The following PDSS2 variants were observed in gnomAD, a reference collection of about 807,000 sequenced individuals.
PDSS2 encodes decaprenyl diphosphate synthase subunit 2, also known as all trans-polyprenyl-diphosphate synthase PDSS2.
Under a neutral mutation model 44.5 loss-of-function variants are expected in PDSS2, and 31 were observed. The ratio of observed to expected loss-of-function variants is 0.70; its 90% CI spans 0.52 to 0.94. The LOEUF is 0.94. Ranked by LOEUF, PDSS2 falls within the 40% of genes least tolerant of loss-of-function variation. The probability of loss-of-function intolerance (pLI) is 0.00; values close to 1 mark genes in which losing one functional copy is unlikely to be tolerated. For synonymous variants in PDSS2, 157 were observed against 180.3 expected, an observed-to-expected ratio of 0.87 and a Z score of 1.03; for missense variants, 452 against 482.2, an observed-to-expected ratio of 0.94 and a Z score of 0.59.
At chr6:107,180,612 T>C (rs950687880) in intron 7 of PDSS2, among the ~76,000 whole-genome samples, 1 of 152,124 alleles carries the variant, frequency 6.6e-6, no homozygotes, top group Non-Finnish European at 1.5e-5. Flanking sequence ...CACGGTGCAA[T>C]GGTGAGCAAA....
chr6:107,194,103 T>C (rs1290477704), intron 6 of PDSS2, among the ~76,000 whole-genome samples: 1 of 152,234 alleles, frequency 6.6e-6, no homozygotes, highest in African/African-American at 2.4e-5. Context: ...CGACTCTTAA[T>C]GTCACATGCT....
Position 107,245,796 on chromosome 6 carries a change from G to A in PDSS2, c.631-177C>T, listed in dbSNP as rs1182819881. ...TTGCCCACCTGGATATTAAAGCTGT[G>A]ATCCAAATTTTTTCAGTCATAATTC... On this transcript the variant is annotated intron_variant, in intron 3 of 7. Transcript: ENST00000369037. Among the ~76,000 whole-genome samples the A allele has an allele frequency of 3.3e-5, 5 of 152,064 alleles. No homozygotes were observed. In the East Asian group the frequency reaches 7.7e-4, roughly 23 times the overall value.
intron 2 of PDSS2, among the ~76,000 whole-genome samples, chr6:107,301,303 G>C (rs574817328): frequency 2.6e-5 from 4 of 152,272 alleles, no homozygotes; most frequent in Non-Finnish European, 4.4e-5. Context: ...GAATTGCCCG[G>C]TGTGTGCAGT....
chr6:107,157,689 T>C (rs1770954136), intron 7 of PDSS2, among the ~76,000 whole-genome samples: 1 of 150,836 alleles, frequency 6.6e-6, no homozygotes, highest in Non-Finnish European at 1.5e-5. Context: ...TTTTTTTTTT[T>C]AGACAGAGTC....
At chr6:107,387,315 C>A (rs1583022359) in intron 1 of PDSS2, among the ~76,000 whole-genome samples, 3 of 152,318 alleles carry the variant, frequency 2.0e-5, no homozygotes, top group South Asian at 2.1e-4. Context: ...ATGACTAAAG[C>A]AGCAGCTTAG....
intron 3 of PDSS2, among the ~76,000 whole-genome samples, chr6:107,262,922 T>C (rs906231040): frequency 6.6e-6 from 1 of 151,996 alleles, no homozygotes; most frequent in African/African-American, 2.4e-5. Context: ...AGTGAGACCT[T>C]GTCTCTATTA....
At chr6:107,404,256 T>C (rs1780236621) in intron 1 of PDSS2, among the ~76,000 whole-genome samples, 2 of 152,214 alleles carry the variant, frequency 1.3e-5, no homozygotes, top group African/African-American at 4.8e-5. Flanking sequence ...CATAGCACTA[T>C]CAGCATTTTG....
intron 2 of PDSS2, among the ~76,000 whole-genome samples, chr6:107,316,065 T>C (rs977196942): frequency 2.6e-5 from 4 of 152,250 alleles, no homozygotes; most frequent in Non-Finnish European, 4.4e-5. Context: ...AAGTATGTTA[T>C]AGAAAAAATT....
chr6:107,349,711 T>TG (rs1406330151), intron 1 of PDSS2, among the ~76,000 whole-genome samples: 1 of 152,144 alleles, frequency 6.6e-6, no homozygotes, highest in African/African-American at 2.4e-5. Flanking sequence ...ATCGTGCCAT[T>TG]GCACTCCAGC....
chr6:107,244,354 T>C (rs1774538778), intron 4 of PDSS2, among the ~76,000 whole-genome samples: 1 of 152,232 alleles, frequency 6.6e-6, no homozygotes, highest in African/African-American at 2.4e-5. Flanking sequence ...TTTGCTTAGC[T>C]GTTGTCATCT....
intron 2 of PDSS2, among the ~76,000 whole-genome samples, chr6:107,330,338 C>T (rs906878662): frequency 2.4e-4 from 36 of 152,212 alleles, no homozygotes; most frequent in African/African-American, 8.7e-4. Flanking sequence ...GTAGTCTAGC[C>T]GGGTACTCAA....
chr6:107,231,845 C>T (rs1178703232), intron 4 of PDSS2, among the ~76,000 whole-genome samples: 1 of 152,002 alleles, frequency 6.6e-6, no homozygotes, highest in Non-Finnish European at 1.5e-5. Context: ...ACCTGTAATC[C>T]CAGCTATTCA....
intron 3 of PDSS2, among the ~76,000 whole-genome samples, chr6:107,255,382 G>C (rs1478204336): frequency 6.6e-6 from 1 of 151,330 alleles, no homozygotes; most frequent in Non-Finnish European, 1.5e-5. Context: ...AGTAGAGATG[G>C]GGTTTTGCCA....
intron 6 of PDSS2, among the ~76,000 whole-genome samples, chr6:107,206,196 C>T (rs1014479072): frequency 1.3e-5 from 2 of 152,118 alleles, no homozygotes; most frequent in African/African-American, 4.8e-5. Context: ...CTCAGCCTCC[C>T]GAGTAGCTGG....
chr6:107,300,955 T>C (rs1776673903), intron 2 of PDSS2, among the ~76,000 whole-genome samples: 1 of 152,186 alleles, frequency 6.6e-6, no homozygotes, highest in South Asian at 2.1e-4. Context: ...AAAGACTCCC[T>C]GAGTCTTTTA....
intron 1 of PDSS2, among the ~76,000 whole-genome samples, chr6:107,341,823 G>A (rs1778089939): frequency 6.6e-6 from 1 of 152,012 alleles, no homozygotes; most frequent in Admixed American, 6.6e-5. Context: ...TAATAAAAAT[G>A]GTAACAATAT....
chr6:107,162,494 C>CAA (rs374615595), intron 7 of PDSS2, among the ~76,000 whole-genome samples: 2,192 of 58,384 alleles, frequency 0.038, 155 homozygotes, highest in East Asian at 0.087. Context: ...GAGACCATCT[C>CAA]AAAAAAAAAA....
At chr6:107,425,640 A>C (rs1429805453) in intron 1 of PDSS2, among the ~76,000 whole-genome samples, 1 of 152,224 alleles carries the variant, frequency 6.6e-6, no homozygotes, top group East Asian at 1.9e-4. Context: ...ACTGGGCATA[A>C]AAGTTTGGAA....
In PDSS2 at chr6:107,193,672, T is replaced by G. The variant is rs1470566423; in HGVS notation, c.1041+150A>C. On this transcript the variant is annotated intron_variant, in intron 7 of 7. Transcript: ENST00000369037. ...AAATAGACTTCTTGTTGAATGAACC[T>G]TATTCCACATGCTATTGGCCTGTTA... 1.2e-5 allele frequency: 8 copies of G among 666,278 alleles called. No individual in the cohort carries two copies. In the East Asian group the frequency reaches 2.1e-4, roughly 18 times the overall value. 41.3% of individuals were successfully genotyped at this position (666,278 alleles called of 1,614,324 possible).
Sources: allele counts gnomAD v4.1 joint callset (sites outside exome capture counted in the v4.1 genomes callset), GRCh38; gene constraint gnomAD v4.1.1; transcripts MANE v1.5; gene names NCBI Gene and HGNC (gene_info 2026-07-23, HGNC 2026-07-21).